Variants in PPP1R12C observed in about 807,000 individuals in gnomAD.
PPP1R12C encodes the protein leukocyte receptor cluster (LRC) encoded novel gene 3.
Under a neutral mutation model 95.6 loss-of-function variants are expected in PPP1R12C, and 48 were observed. The observed-to-expected ratio is 0.50, with a 90% CI of 0.40 to 0.64. PPP1R12C has a LOEUF of 0.64. PPP1R12C is among the 30% of genes least tolerant of loss of function. The pLI, the probability that PPP1R12C is intolerant of heterozygous loss-of-function variation, is 0.00. For missense variants in PPP1R12C, 1,057 were observed against 1,083.3 expected (o/e 0.98, Z 0.34); for synonymous variants, 480 against 460.8 (o/e 1.04, Z -0.53).
intron 12 of PPP1R12C, 21 bp from the exon 13 acceptor site, chr19:55,094,456 TCA>T: frequency 6.2e-7 from 1 of 1,612,974 alleles, no homozygotes; most frequent in Non-Finnish European, 8.5e-7. Flanking sequence ...GGTCCCAACC[TCA>T]GACAGGGAAC....
chr19:55,104,692 C>T (rs1020547998), intron 3 of PPP1R12C, among the ~76,000 whole-genome samples: 3 of 148,010 alleles, frequency 2.0e-5, no homozygotes, highest in South Asian at 2.1e-4. Context: ...AGTGAGACTC[C>T]GTCTCCAAAA....
In PPP1R12C at chr19:55,109,388, G is replaced by A. The variant is rs2085071387; in HGVS notation, c.571+3079C>T. On this transcript the variant is annotated intron_variant, in intron 3 of 21. Coordinates refer to ENST00000263433, the MANE Select transcript of PPP1R12C (RefSeq NM_017607.4). The surrounding 1 kb of genome is among the most constrained non-coding windows in gnomAD (Gnocchi z 4.4). ...GCTGGGCTTACAGGTCTGAGCCACT[G>A]TGCCAGGCCTCAAATGGCCTTTTCC... Among the ~76,000 whole-genome samples, 1 of 152,242 alleles carries A rather than the reference G, an allele frequency of 6.6e-6. No homozygotes were observed. Among genetic ancestry groups the A allele is most frequent in the Non-Finnish European group, 1.5e-5 (1 of 68,046 alleles).
Position 55,117,488 on chromosome 19 carries a change from CGGGCAGCCGCCGCCGCCGCCCCCG to C in PPP1R12C, c.32_55del (p.Pro11_Ala18del). On this transcript the variant is annotated inframe_deletion, in exon 1 of 22. Coordinates refer to ENST00000263433, the MANE Select transcript of PPP1R12C (RefSeq NM_017607.4). ...CCGCAGCTGCTCCCGTCGCCGCTCC[CGGGCAGCCGCCGCCGCCGCCCCCG>C]GGCCAGCCGCCGGGCCATCCTCTCC... 9.8e-7 allele frequency: 1 copy of C among 1,024,890 alleles called. No individual in the cohort carries two copies. Among genetic ancestry groups the C allele is most frequent in the South Asian group, 3.8e-5 (1 of 26,594 alleles). 63.5% of individuals were successfully genotyped at this position (1,024,890 alleles called of 1,614,324 possible).
rs1359912982 is a variant in PPP1R12C, at chr19:55,095,955, C to T, written c.1154-15G>A. 5 of 1,611,556 alleles carry T rather than the reference C, an allele frequency of 3.1e-6. No individual in the cohort carries two copies. Among genetic ancestry groups the T allele is most frequent in the Non-Finnish European group, 3.4e-6 (4 of 1,179,426 alleles). The stretch of plus-strand genomic sequence containing the variant: ...AGGGGGTGGTTCTGTGATGTGGGAA[C>T]ACCGGGCAGGTCACAGAAGATGCCA... On this transcript the variant is annotated splice_polypyrimidine_tract_variant and intron_variant, in intron 8 of 21. Transcript: ENST00000263433.
Position 55,091,471 on chromosome 19 carries a change from G to C in PPP1R12C, c.*1C>G, listed in dbSNP as rs944365518. On this transcript the variant is annotated 3_prime_UTR_variant, in exon 22 of 22. Transcript: ENST00000263433. ...TACGGGTGCGGGAAAGTCCCTCCGG[G>C]TCACTTGGAGAGTTTGCTGATGACG... is the stretch of plus-strand genomic sequence containing the variant. The C allele has an allele frequency of 6.2e-7, 1 of 1,613,510 alleles. No individual in the cohort carries two copies.
chr19:55,099,177 G>A (rs1469783052), intron 4 of PPP1R12C, 82 bp from the exon 5 acceptor site: 5 of 1,412,622 alleles, frequency 3.5e-6, no homozygotes, highest in East Asian at 2.5e-5. Flanking sequence ...GTTTGGTAAC[G>A]AGGTCCCAGG....
chr19:55,113,774 C>T (rs1400889166), intron 1 of PPP1R12C: 4 of 319,690 alleles, frequency 1.3e-5, no homozygotes, highest in Admixed American at 5.1e-5. Context: ...GCCCTGGGAA[C>T]GGGATGAACT....
rs1404560313 is a variant in PPP1R12C, at chr19:55,092,025, C to A, written c.2161-116G>T. 3.7e-6 allele frequency: 5 copies of A among 1,342,442 alleles called. No individual in the cohort carries two copies. The East Asian group carries it at 1.2e-4, about 32-fold the overall frequency. The allele number at this position is 1,342,442 out of a possible 1,614,324, so 83.2% of individuals were successfully genotyped here. On this transcript the variant is annotated intron_variant, in intron 19 of 21. Transcript: ENST00000263433. ...ACTAGGCAGCCCACAAGCCCTTCCC[C>A]CACGGGCCAGGCCCCGCCACCGGCA... is the stretch of plus-strand genomic sequence containing the variant.
intron 4 of PPP1R12C, 47 bp from the exon 5 acceptor site, chr19:55,099,142 G>T: frequency 6.8e-7 from 1 of 1,461,282 alleles, no homozygotes; most frequent in Non-Finnish European, 9.1e-7. Flanking sequence ...CGGGGCCCTT[G>T]GCCGAGGGCT....
At position 55,099,097 on chromosome 19, in the gene PPP1R12C, TG is replaced by T; in HGVS notation, c.732-3del. ...TCGTAGCCAGCCTGAAGGAGCAACC[TG>T]GGGGCCAGGGAGGCTCAGGGTCAGA... On this transcript the variant is annotated splice_polypyrimidine_tract_variant and splice_region_variant and intron_variant, in intron 4 of 21. Coordinates refer to ENST00000263433, the MANE Select transcript of PPP1R12C (RefSeq NM_017607.4). 2 of 1,534,686 alleles carry T rather than the reference TG, an allele frequency of 1.3e-6. No individual in the cohort carries two copies. The highest frequency in any genetic ancestry group is 1.8e-4 in the Middle Eastern group (1 of 5,510).
chr19:55,100,963 A>G (rs111581673), intron 4 of PPP1R12C, among the ~76,000 whole-genome samples: 42 of 152,308 alleles, frequency 2.8e-4, no homozygotes, highest in African/African-American at 1.0e-3. Flanking sequence ...TTAAAAATGC[A>G]GTCAGGCTAG....
At position 55,112,532 on chromosome 19, in the gene PPP1R12C, A is replaced by G; in HGVS notation, c.506T>C (p.Leu169Pro). ...NIAAVNSDGD[L>P]PLDLAESDAM... is the part of the protein sequence containing the mutation. ...GTCCGACTCGGCCAGGTCCAGGGGC[A>G]GGTCCCCGTCACTGTTGACGGCGGC... Residue 169 changes from leucine (L) to proline (P), a missense_variant, in exon 3 of 22, where the codon CTG becomes CCG. By Grantham distance (98) the Leu-to-Pro change is moderately conservative (BLOSUM62 -3). This residue lies in a region of PPP1R12C where 282 missense variants were observed against 380.4 expected (regional missense o/e 0.74). Transcript: ENST00000263433. 1.2e-6 allele frequency: 2 copies of G among 1,613,196 alleles called. No individual in the cohort carries two copies. The highest frequency in any genetic ancestry group is 8.5e-7 in the Non-Finnish European group (1 of 1,179,738).
chr19:55,113,755 GCCGCACGTGCC>G, intron 1 of PPP1R12C: 1 of 390,924 alleles, frequency 2.6e-6, no homozygotes, highest in Non-Finnish European at 4.2e-6. Context: ...CTGTGAAGGG[GCCGCACGTGCC>G]CTGGGAACGG....
At chr19:55,113,590 G>C in intron 1 of PPP1R12C, 1 of 1,298,432 alleles carries the variant, frequency 7.7e-7, no homozygotes, top group African/African-American at 1.5e-5. Flanking sequence ...GGTGGGCTCC[G>C]GGACCTGAAC....
intron 1 of PPP1R12C, chr19:55,113,812 A>T: frequency 4.4e-6 from 1 of 227,806 alleles, no homozygotes; most frequent in Non-Finnish European, 8.5e-6. Flanking sequence ...CCCAGTTGTC[A>T]TGGCGATAGG....
Position 55,092,638 on chromosome 19 carries a change from G to T in PPP1R12C, c.1936C>A (p.Arg646Ser), listed in dbSNP as rs1348781448. Residue 646 changes from arginine (R) to serine (S), a missense_variant, in exon 17 of 22, where the codon CGC becomes AGC. This residue lies in a region of PPP1R12C where 347 missense variants were observed against 307.9 expected (regional missense o/e 1.13). Transcript: ENST00000263433. ...CGCCCCTACCTGGACTCCTGGCTGC[G>T]GTCAGCCGGCTCCGCCTCCTCCCCC... is the stretch of plus-strand genomic sequence containing the variant. Reference protein sequence around the residue: ...AEGEEAEPADRSQESSTLEGG... With the variant: ...AEGEEAEPADSSQESSTLEGG... 7.8e-6 allele frequency: 12 copies of T among 1,534,666 alleles called. No individual in the cohort carries two copies. Among genetic ancestry groups the T allele is most frequent in the Non-Finnish European group, 1.0e-5 (12 of 1,143,568 alleles).
At chr19:55,101,739 AG>A (rs2084981957) in intron 4 of PPP1R12C, among the ~76,000 whole-genome samples, 2 of 152,334 alleles carry the variant, frequency 1.3e-5, no homozygotes, top group South Asian at 4.1e-4. Flanking sequence ...CCTTGTCGTA[AG>A]GATCAGCTCA....
Position 55,095,544 on chromosome 19 carries a change from A to T in PPP1R12C, c.1287T>A (p.Gly429=). 6.3e-7 allele frequency: 1 copy of T among 1,593,096 alleles called. No homozygotes were observed. Among genetic ancestry groups the T allele is most frequent in the African/African-American group, 1.3e-5 (1 of 74,546 alleles). Residue 429 remains glycine (G), a synonymous_variant, in exon 10 of 22, where the codon GGT becomes GGA. Transcript: ENST00000263433. ...RFGLLKTGSS[G]ALGPPERRTA... The stretch of plus-strand genomic sequence containing the variant: ...TCCGCCTTTCAGGGGGACCCAGGGC[A>T]CCAGAACTCCCTGTCTTCAGGAGGC...
intron 3 of PPP1R12C, among the ~76,000 whole-genome samples, chr19:55,108,091 A>G (rs1459495901): frequency 6.6e-6 from 1 of 151,762 alleles, no homozygotes; most frequent in East Asian, 2.0e-4. Context: ...GTACATCGCT[A>G]TGCCCGGCTA....
Sources: gnomAD v4.1 joint callset for allele counts (sites outside exome capture counted in the v4.1 genomes callset) on GRCh38, gnomAD v4.1.1 for gene constraint, gnomAD v4.1.1 regional missense constraint, Gnocchi (gnomAD v3.1) non-coding constraint, MANE v1.5 for transcripts, NCBI Gene and HGNC (gene_info 2026-07-23, HGNC 2026-07-21) for gene names.